The following LRCH1 variants were observed in gnomAD, a reference collection of about 807,000 sequenced individuals.
LRCH1 encodes the protein leucine-rich repeat and calponin homology domain-containing protein 1.
A neutral mutation model predicts 94.9 loss-of-function variants in LRCH1; 23 were observed. The ratio of observed to expected loss-of-function variants is 0.24; its 90% CI spans 0.17 to 0.34. LRCH1 has a LOEUF of 0.34. Ranked by LOEUF, LRCH1 falls within the 10% of genes least tolerant of loss-of-function variation. The pLI, the probability that LRCH1 is intolerant of heterozygous loss-of-function variation, is 1.00. For synonymous variants in LRCH1, 364 were observed against 354.9 expected, an observed-to-expected ratio of 1.03 and a Z score of -0.29; for missense variants, 790 against 945.9, an observed-to-expected ratio of 0.84 and a Z score of 2.16.
intron 1 of LRCH1, among the ~76,000 whole-genome samples, chr13:46,572,379 T>C (rs2050250478): frequency 6.6e-6 from 1 of 152,238 alleles, no homozygotes; most frequent in Non-Finnish European, 1.5e-5. Context: ...TTAAGCTTAG[T>C]GAGTTTAATT....
chr13:46,741,617 G>T (rs1024497035), intron 19 of LRCH1, 25 bp from the exon 20 acceptor site: 1 of 1,613,850 alleles, frequency 6.2e-7, no homozygotes, highest in African/African-American at 1.3e-5. Flanking sequence ...GTCTCTTTCT[G>T]TTCTAATGGC....
In LRCH1 at chr13:46,712,539, C is replaced by A; in HGVS notation, c.1596C>A (p.Ser532=). The A allele has an allele frequency of 6.2e-7, 1 of 1,613,368 alleles. No homozygotes were observed. Among genetic ancestry groups the A allele is most frequent in the Non-Finnish European group, 8.5e-7 (1 of 1,179,348 alleles). Residue 532 remains serine, a synonymous_variant, in exon 15 of 20, where the codon TCC becomes TCA. Coordinates refer to ENST00000389797, the MANE Select transcript of LRCH1 (RefSeq NM_001164211.2). ...CAACACCACAGATTAGAGAGAACTC[C>A]CCTGCAGTCTCTCCTACCACAAACA... ...QYSPNEIREN[S]PAVSPTTNST...
rs915112564 is a variant in LRCH1, at chr13:46,711,952, A to T, written c.1581+108A>T. 3.7e-6 allele frequency: 3 copies of T among 814,770 alleles called. No individual in the cohort carries two copies. The African/African-American group carries it at 5.2e-5, about 14-fold the overall frequency. 50.5% of individuals were successfully genotyped at this position (814,770 alleles called of 1,614,324 possible). ...AGACTTGTGATTAATTAATTAATTGAGTCTTTGGGGGAATCCGTCTAACTC... is the reference window on the plus strand; with the variant it reads ...AGACTTGTGATTAATTAATTAATTGTGTCTTTGGGGGAATCCGTCTAACTC... On this transcript the variant is annotated intron_variant, in intron 14 of 19. Transcript: ENST00000389797.
At chr13:46,631,015 C>T (rs1280027567) in intron 1 of LRCH1, among the ~76,000 whole-genome samples, 1 of 152,126 alleles carries the variant, frequency 6.6e-6, no homozygotes. Flanking sequence ...GGATCTGCAC[C>T]CTCCCCACCC....
chr13:46,663,255 G>C (rs1459003460), intron 2 of LRCH1, among the ~76,000 whole-genome samples: 1 of 152,192 alleles, frequency 6.6e-6, no homozygotes, highest in Non-Finnish European at 1.5e-5. Context: ...TAAGTGTAAA[G>C]ATAGTCTCTA....
intron 1 of LRCH1, among the ~76,000 whole-genome samples, chr13:46,557,776 G>T (rs2050081921): frequency 6.6e-6 from 1 of 151,732 alleles, no homozygotes; most frequent in South Asian, 2.1e-4. Context: ...CCAGGAGGCG[G>T]AGGTTGCAGT....
chr13:46,556,560 C>A (rs1014706145), intron 1 of LRCH1, among the ~76,000 whole-genome samples: 1 of 152,174 alleles, frequency 6.6e-6, no homozygotes, highest in Non-Finnish European at 1.5e-5. Flanking sequence ...ACTATCAGCA[C>A]TGGGTGCGCC....
rs940319473 is a variant in LRCH1, at chr13:46,676,035, T to G, written c.580-5706T>G. Among the ~76,000 whole-genome samples the G allele has an allele frequency of 4.8e-4, 73 of 152,132 alleles. 1 individual carries two copies. Among genetic ancestry groups the G allele is most frequent in the African/African-American group, 1.6e-3 (67 of 41,422 alleles). Reference sequence around the variant, plus strand: ...GGCTCATGCCTGTAATCCCAGCACTTTGGGAGGCCGAGGTCAGGAGTTCGA... The same window carrying G: ...GGCTCATGCCTGTAATCCCAGCACTGTGGGAGGCCGAGGTCAGGAGTTCGA... On this transcript the variant is annotated intron_variant, in intron 3 of 19. Coordinates refer to ENST00000389797, the MANE Select transcript of LRCH1 (RefSeq NM_001164211.2).
chr13:46,673,338 T>TA (rs1230114882), intron 3 of LRCH1, among the ~76,000 whole-genome samples: 1 of 152,206 alleles, frequency 6.6e-6, no homozygotes, highest in East Asian at 1.9e-4. Flanking sequence ...GGCAAAAATT[T>TA]AATAAGTGGT....
chr13:46,667,788 G>A (rs191728052), intron 2 of LRCH1, among the ~76,000 whole-genome samples: 49 of 152,262 alleles, frequency 3.2e-4, no homozygotes, highest in Admixed American at 1.4e-3. Context: ...GATGATAAAA[G>A]CACTTGTAGA....
At chr13:46,691,405 T>C (rs1162178850) in intron 7 of LRCH1, among the ~76,000 whole-genome samples, 1 of 152,212 alleles carries the variant, frequency 6.6e-6, no homozygotes, top group Non-Finnish European at 1.5e-5. Context: ...AGCATTTTTA[T>C]ATATGTGATG....
In LRCH1 at chr13:46,732,894, T is replaced by C. The variant is rs541498109; in HGVS notation, c.2008-1027T>C. Among the ~76,000 whole-genome samples the C allele has an allele frequency of 2.0e-5, 3 of 152,328 alleles. No homozygotes were observed. In the South Asian group the frequency reaches 6.2e-4, roughly 32 times the overall value. On this transcript the variant is annotated intron_variant, in intron 18 of 19. Coordinates refer to ENST00000389797, the MANE Select transcript of LRCH1 (RefSeq NM_001164211.2). ...TTAGGGCCCACGTGAGGGACGTGAC[T>C]TCCTCCCTAATCAAGATGGAGAATA...
intron 19 of LRCH1, among the ~76,000 whole-genome samples, chr13:46,740,811 C>T (rs532242673): frequency 1.1e-4 from 16 of 152,246 alleles, no homozygotes; most frequent in African/African-American, 3.1e-4. Flanking sequence ...TGAAAGTCAA[C>T]GCAGAAAACT....
At chr13:46,582,658 T>TTTTTTTTTTTTTTTG (rs1337473824) in intron 1 of LRCH1, among the ~76,000 whole-genome samples, 3 of 103,502 alleles carry the variant, frequency 2.9e-5, no homozygotes, top group Non-Finnish European at 4.0e-5. Flanking sequence ...CTTTTTTTTT[T>TTTTTTTTTTTTTTTG]TTTTTTTTTT....
intron 2 of LRCH1, among the ~76,000 whole-genome samples, chr13:46,651,598 T>G (rs1175416722): frequency 6.6e-6 from 1 of 150,766 alleles, no homozygotes; most frequent in Non-Finnish European, 1.5e-5. Context: ...GAGGCAGAGG[T>G]TGCGGTGAGC....
intron 7 of LRCH1, among the ~76,000 whole-genome samples, chr13:46,690,287 G>A (rs1870830536): frequency 6.6e-6 from 1 of 152,060 alleles, no homozygotes; most frequent in Non-Finnish European, 1.5e-5. Flanking sequence ...CCCATAGGAA[G>A]GCACATGAAT....
At chr13:46,568,244 G>A (rs1012536369) in intron 1 of LRCH1, among the ~76,000 whole-genome samples, 1 of 152,150 alleles carries the variant, frequency 6.6e-6, no homozygotes, top group African/African-American at 2.4e-5. Flanking sequence ...AGGTTTACCG[G>A]GGACAGTCTG....
intron 1 of LRCH1, among the ~76,000 whole-genome samples, chr13:46,573,170 A>G (rs2050259638): frequency 6.6e-6 from 1 of 152,222 alleles, no homozygotes; most frequent in Non-Finnish European, 1.5e-5. Flanking sequence ...TTCCATCATT[A>G]AACGCTGAGA....
In LRCH1 at chr13:46,692,568, G is replaced by A; in HGVS notation, c.1047G>A (p.Val349=). Residue 349 remains valine (V), a synonymous_variant, in exon 8 of 20, where the codon GTG becomes GTA. Coordinates refer to ENST00000389797, the MANE Select transcript of LRCH1 (RefSeq NM_001164211.2). ...ACGAAGACACTGTTAGCCTCAATGT[G>A]CCAATGTCAAACATCATGGAAGAAG... is the stretch of plus-strand genomic sequence containing the variant. The part of the protein sequence containing the change: ...PSDEDTVSLN[V]PMSNIMEEEQ... The A allele has an allele frequency of 6.2e-7, 1 of 1,613,946 alleles. No homozygotes were observed. The highest frequency in any genetic ancestry group is 8.5e-7 in the Non-Finnish European group (1 of 1,179,892).
Sources: gnomAD v4.1 joint callset for allele counts (sites outside exome capture counted in the v4.1 genomes callset) on GRCh38, gnomAD v4.1.1 for gene constraint, MANE v1.5 for transcripts, NCBI Gene and HGNC (gene_info 2026-07-23, HGNC 2026-07-21) for gene names.